The following BCKDHB variants were observed in gnomAD, a reference collection of about 807,000 sequenced individuals.
BCKDHB encodes the protein 2-oxoisovalerate dehydrogenase subunit beta, mitochondrial.
In BCKDHB, 41 loss-of-function variants were observed where a neutral mutation model predicts 48.5. The ratio of observed to expected loss-of-function variants is 0.85; its 90% CI spans 0.66 to 1.10. BCKDHB has a LOEUF of 1.10. BCKDHB is among the 50% of genes least tolerant of loss of function. The pLI, the probability that BCKDHB is intolerant of heterozygous loss-of-function variation, is 0.00. For missense variants in BCKDHB, 496 were observed against 494.2 expected, an observed-to-expected ratio of 1.00 and a Z score of -0.03; for synonymous variants, 201 against 174.8, an observed-to-expected ratio of 1.15 and a Z score of -1.18.
intron 8 of BCKDHB, among the ~76,000 whole-genome samples, chr6:80,245,044 A>T (rs1176889733): frequency 6.6e-6 from 1 of 151,576 alleles, no homozygotes; most frequent in Non-Finnish European, 1.5e-5. Context: ...CAGTTTCCTC[A>T]TCTATAAAAC....
At chr6:80,133,588 G>A (rs1467010431) in intron 3 of BCKDHB, among the ~76,000 whole-genome samples, 3 of 152,092 alleles carry the variant, frequency 2.0e-5, no homozygotes, top group Non-Finnish European at 1.5e-5. Flanking sequence ...GGCAGTTAAA[G>A]GTAGTTGATT....
At chr6:80,137,732 G>C (rs1254789090) in intron 3 of BCKDHB, among the ~76,000 whole-genome samples, 1 of 151,896 alleles carries the variant, frequency 6.6e-6, no homozygotes, top group Non-Finnish European at 1.5e-5. Flanking sequence ...GACCTAGAAT[G>C]CTGCTAAACA....
the BCKDHB span, among the ~76,000 whole-genome samples, chr6:80,373,179 G>T: frequency 6.6e-6 from 1 of 152,002 alleles, no homozygotes; most frequent in East Asian, 1.9e-4. Flanking sequence ...ATCTAGGAGG[G>T]TTATATGTTT....
the BCKDHB span, among the ~76,000 whole-genome samples, chr6:80,372,149 G>T: frequency 6.6e-6 from 1 of 151,962 alleles, no homozygotes; most frequent in Non-Finnish European, 1.5e-5. Context: ...TGTTGTCTAT[G>T]ATTTTTTTAA....
the BCKDHB span, among the ~76,000 whole-genome samples, chr6:80,394,228 T>A: frequency 6.6e-6 from 1 of 152,170 alleles, no homozygotes; most frequent in African/African-American, 2.4e-5. Context: ...TTATGTTTTC[T>A]CTACTGTTTC....
At chr6:80,291,657 GT>G (rs995428374) in intron 9 of BCKDHB, among the ~76,000 whole-genome samples, 16 of 150,680 alleles carry the variant, frequency 1.1e-4, no homozygotes, top group Admixed American at 8.6e-4. Context: ...CATCCCTTTT[GT>G]TTTTTTTTCT....
At chr6:80,139,969 T>C (rs1179667262) in intron 3 of BCKDHB, among the ~76,000 whole-genome samples, 1 of 152,226 alleles carries the variant, frequency 6.6e-6, no homozygotes, top group Non-Finnish European at 1.5e-5. Flanking sequence ...TTGTATTCTC[T>C]TTTATTTCAT....
At chr6:80,256,584 A>T (rs989788034) in intron 8 of BCKDHB, among the ~76,000 whole-genome samples, 6 of 152,238 alleles carry the variant, frequency 3.9e-5, no homozygotes, top group Admixed American at 1.3e-4. Flanking sequence ...TGACTAAGGA[A>T]AATATCCAAA....
At chr6:80,452,726 T>C in the BCKDHB span, among the ~76,000 whole-genome samples, 29 of 152,270 alleles carry the variant, frequency 1.9e-4, no homozygotes, top group South Asian at 6.0e-3. Context: ...GTGGTGGGCA[T>C]GGAGCACACT....
chr6:80,311,830 C>T (rs922681411), intron 9 of BCKDHB, among the ~76,000 whole-genome samples: 1 of 152,110 alleles, frequency 6.6e-6, no homozygotes, highest in Non-Finnish European at 1.5e-5. Flanking sequence ...TTACTGTAGC[C>T]TTGTAGTATA....
chr6:80,374,441 T>C, the BCKDHB span: 2 of 762,082 alleles, frequency 2.6e-6, no homozygotes, highest in Non-Finnish European at 4.9e-6. Context: ...ATTTTGTGGC[T>C]TTTCATATAT....
chr6:80,252,371 G>A (rs1562176646), intron 8 of BCKDHB, among the ~76,000 whole-genome samples: 2 of 152,114 alleles, frequency 1.3e-5, no homozygotes, highest in Non-Finnish European at 2.9e-5. Flanking sequence ...TTCAACATTA[G>A]CATTTAATGA....
chr6:80,125,860 T>C (rs1349064749), intron 1 of BCKDHB, among the ~76,000 whole-genome samples: 1 of 152,100 alleles, frequency 6.6e-6, no homozygotes, highest in Admixed American at 6.6e-5. Flanking sequence ...ATGAAAAAGT[T>C]TGAAATATTG....
chr6:80,361,028 G>GA, the BCKDHB span, among the ~76,000 whole-genome samples: 1 of 146,826 alleles, frequency 6.8e-6, no homozygotes, highest in East Asian at 2.0e-4. Context: ...AGAAAAAAAT[G>GA]AAAAAAAATT....
At chr6:80,282,391 G>A (rs912875372) in intron 9 of BCKDHB, among the ~76,000 whole-genome samples, 1 of 152,140 alleles carries the variant, frequency 6.6e-6, no homozygotes, top group Non-Finnish European at 1.5e-5. Context: ...TCAAAGTGTA[G>A]ATTTCCTTTG....
intron 6 of BCKDHB, among the ~76,000 whole-genome samples, chr6:80,191,403 A>C (rs1441949208): frequency 6.6e-6 from 1 of 152,136 alleles, no homozygotes; most frequent in Non-Finnish European, 1.5e-5. Flanking sequence ...GTTGCTCCTC[A>C]TGGGTAATAT....
intron 9 of BCKDHB, among the ~76,000 whole-genome samples, chr6:80,311,072 G>A (rs1311258171): frequency 6.6e-6 from 1 of 152,112 alleles, no homozygotes; most frequent in African/African-American, 2.4e-5. Context: ...CCCAGTGAGA[G>A]GTAATTGAAT....
intron 8 of BCKDHB, among the ~76,000 whole-genome samples, chr6:80,214,168 T>C (rs894927399): frequency 3.4e-4 from 52 of 152,070 alleles, no homozygotes; most frequent in African/African-American, 1.3e-3. Flanking sequence ...AGGGAAATTG[T>C]AGAGCTGGAA....
the BCKDHB span, among the ~76,000 whole-genome samples, chr6:80,392,515 A>G: frequency 6.6e-6 from 1 of 151,604 alleles, no homozygotes; most frequent in African/African-American, 2.4e-5. Flanking sequence ...GTCCTCAATA[A>G]TATTGTTTCT....
Sources: allele counts gnomAD v4.1 joint callset (sites outside exome capture counted in the v4.1 genomes callset), GRCh38; gene constraint gnomAD v4.1.1; transcripts MANE v1.5; gene names NCBI Gene and HGNC (gene_info 2026-07-23, HGNC 2026-07-21).